CIT: variants seen among roughly 807,000 people sequenced by gnomAD.
CIT encodes the protein citron Rho-interacting kinase.
CIT carries 79 observed loss-of-function variants against 272.7 expected under a neutral mutation model. That is an observed-to-expected ratio of 0.29 (90% CI 0.24 to 0.35). The LOEUF is 0.35. Among genes scored for constraint, CIT ranks in the 10% least tolerant of loss-of-function variants. The probability of loss-of-function intolerance (pLI) is 1.00; values close to 1 mark genes in which losing one functional copy is unlikely to be tolerated. For missense variants in CIT, 1,909 were observed against 2,618.3 expected (o/e 0.73, Z 5.91); for synonymous variants, 948 against 995.6 (o/e 0.95, Z 0.90).
chr12:119,814,870 T>A (rs1966999315), intron 9 of CIT, among the ~76,000 whole-genome samples: 1 of 151,800 alleles, frequency 6.6e-6, no homozygotes, highest in Non-Finnish European at 1.5e-5. Flanking sequence ...AACCCGTCTC[T>A]ACTAAAAATA....
Position 119,720,540 on chromosome 12 carries a change from G to T in CIT, c.3778C>A (p.Gln1260Lys). The T allele has an allele frequency of 6.2e-7, 1 of 1,609,960 alleles. No individual in the cohort carries two copies. The highest frequency in any genetic ancestry group is 1.1e-5 in the South Asian group (1 of 89,968). The stretch of plus-strand genomic sequence containing the variant: ...AGAAAATCAATGAGTTTGGTTTGTT[G>T]AGAAATAGTGCCTTCCATTTTCACC... ...EKVKMEGTISQQTKLIDFLQA... is the reference protein window; with the variant it reads ...EKVKMEGTISKQTKLIDFLQA... The change falls in exon 30 of 48, where the codon CAA becomes AAA. Residue 1260 changes from glutamine (Q) to lysine (K), a missense_variant. Physicochemically the swap from Gln to Lys is moderately conservative, Grantham distance 53 (BLOSUM62 1). Transcript: ENST00000392521.
At position 119,850,288 on chromosome 12, in the gene CIT, G is replaced by A; in HGVS notation, c.415-13C>T. The A allele has an allele frequency of 2.6e-6, 4 of 1,537,686 alleles. No individual in the cohort carries two copies. The highest frequency in any genetic ancestry group is 2.7e-6 in the Non-Finnish European group (3 of 1,116,810). On this transcript the variant is annotated splice_polypyrimidine_tract_variant and intron_variant, in intron 4 of 47. Coordinates refer to ENST00000392521, the MANE Select transcript of CIT (RefSeq NM_001206999.2). Reference sequence around the variant, plus strand: ...CAAAAAATGAAACCTAGGGAAAAAAGAAACTGCTTAGACAATTATAAAGAA... The same window carrying A: ...CAAAAAATGAAACCTAGGGAAAAAAAAAACTGCTTAGACAATTATAAAGAA...
intron 3 of CIT, among the ~76,000 whole-genome samples, chr12:119,862,303 G>A (rs1481572112): frequency 6.6e-6 from 1 of 152,038 alleles, no homozygotes; most frequent in Non-Finnish European, 1.5e-5. Context: ...CCACCTTGGG[G>A]TACGTTTTTA....
intron 3 of CIT, among the ~76,000 whole-genome samples, chr12:119,859,991 A>T (rs1483875189): frequency 6.6e-6 from 1 of 151,886 alleles, no homozygotes; most frequent in Non-Finnish European, 1.5e-5. Context: ...AATTTTTAAA[A>T]TTTTTTTGTA....
intron 5 of CIT, among the ~76,000 whole-genome samples, chr12:119,845,943 AACACACACAC>A (rs58381184): frequency 2.3e-4 from 32 of 137,054 alleles, no homozygotes; most frequent in South Asian, 1.5e-3. Context: ...TCCATCTCAA[AACACACACAC>A]ACACACACAC....
intron 24 of CIT, among the ~76,000 whole-genome samples, chr12:119,741,166 AG>A (rs1429583869): frequency 2.0e-5 from 3 of 151,286 alleles, no homozygotes; most frequent in South Asian, 2.1e-4. Flanking sequence ...AAAAAAAAAA[AG>A]AACAAATTAT....
intron 7 of CIT, among the ~76,000 whole-genome samples, chr12:119,828,276 A>G (rs1234739587): frequency 2.0e-5 from 3 of 152,214 alleles, no homozygotes; most frequent in African/African-American, 7.2e-5. Flanking sequence ...CAAAGGCATT[A>G]CTCTTTGTTA....
chr12:119,804,465 C>T lies in CIT; in HGVS notation c.1112-1076G>A. The T allele has an allele frequency of 1.0e-6, 1 of 985,914 alleles. No individual in the cohort carries two copies. The highest frequency in any genetic ancestry group is 4.7e-5 in the South Asian group (1 of 21,300). 61.1% of individuals were successfully genotyped at this position (985,914 alleles called of 1,614,324 possible). On this transcript the variant is annotated intron_variant, in intron 9 of 47. Coordinates refer to ENST00000392521, the MANE Select transcript of CIT (RefSeq NM_001206999.2). The surrounding 1 kb of genome is among the most constrained non-coding windows in gnomAD (Gnocchi z 5.3). Reference sequence around the variant, plus strand: ...GGAACCCCACCTGGCTGCCGCCTGCCTGCCAGGGGCCAGTGCTGATCCCAG... The same window carrying T: ...GGAACCCCACCTGGCTGCCGCCTGCTTGCCAGGGGCCAGTGCTGATCCCAG...
chr12:119,851,500 A>G (rs1300202852), intron 4 of CIT, among the ~76,000 whole-genome samples: 3 of 152,194 alleles, frequency 2.0e-5, no homozygotes, highest in Non-Finnish European at 4.4e-5. Context: ...AAAGTACCAA[A>G]AGAACCTGAA....
chr12:119,801,219 G>A (rs1274915940), intron 10 of CIT, among the ~76,000 whole-genome samples: 1 of 152,160 alleles, frequency 6.6e-6, no homozygotes, highest in Non-Finnish European at 1.5e-5. Context: ...ACTACCAGAG[G>A]TGAGATAGCA....
intron 19 of CIT, among the ~76,000 whole-genome samples, chr12:119,762,327 G>A (rs924825062): frequency 4.6e-5 from 7 of 152,206 alleles, no homozygotes; most frequent in Non-Finnish European, 8.8e-5. Context: ...TCAAAAGGAT[G>A]AGAAATGGCC....
intron 32 of CIT, 100 bp from the exon 33 acceptor site, chr12:119,714,434 C>T (rs1318564247): frequency 7.9e-7 from 1 of 1,264,676 alleles, no homozygotes; most frequent in East Asian, 2.5e-5. Flanking sequence ...ACTTGCAAAT[C>T]AAATCTCTGA....
At chr12:119,791,976 T>C (rs1233330016) in intron 10 of CIT, among the ~76,000 whole-genome samples, 1 of 152,204 alleles carries the variant, frequency 6.6e-6, no homozygotes, top group African/African-American at 2.4e-5. Context: ...AATTATAAAA[T>C]GCAGTTTTCC....
At chr12:119,788,086 C>T (rs1430783819) in intron 10 of CIT, among the ~76,000 whole-genome samples, 1 of 152,184 alleles carries the variant, frequency 6.6e-6, no homozygotes, top group East Asian at 1.9e-4. Context: ...TGCTATTATT[C>T]ACATTAAAAC....
At chr12:119,875,868 G>A (rs922200250) in intron 2 of CIT, among the ~76,000 whole-genome samples, 1 of 152,088 alleles carries the variant, frequency 6.6e-6, no homozygotes, top group Non-Finnish European at 1.5e-5. Context: ...GGCGGCTGTA[G>A]TCCCAGCTAC....
At position 119,721,457 on chromosome 12, in the gene CIT, G is replaced by A. The variant is rs1450680465; in HGVS notation, c.3592-8C>T. The stretch of plus-strand genomic sequence containing the variant: ...CTGCTGTAATTTGGCTTGCTAGTGG[G>A]GAGAAGGGCCAGGGAAATGCTTGAT... On this transcript the variant is annotated splice_polypyrimidine_tract_variant and splice_region_variant and intron_variant, in intron 28 of 47. Transcript: ENST00000392521. The A allele has an allele frequency of 6.2e-7, 1 of 1,600,170 alleles. No homozygotes were observed. The highest frequency in any genetic ancestry group is 1.7e-5 in the Admixed American group (1 of 59,776).
Position 119,697,751 on chromosome 12 carries a change from T to C in CIT, c.5790A>G (p.Ser1930=). ...ISSGAIYLAS[S]YQDKLRVICC... ...AAATGACCCTTAATTTATCCTGGTA[T>C]GAGGACGCCAAGTAAATCGCTCCTG... Residue 1930 remains serine (S), a synonymous_variant, in exon 46 of 48, where the codon TCA becomes TCG. Transcript: ENST00000392521. This position sits in a 1 kb window ranked among gnomAD's most constrained non-coding sequence, Gnocchi z 4.9. 2 of 1,614,194 alleles carry C rather than the reference T, an allele frequency of 1.2e-6. No homozygotes were observed. Among genetic ancestry groups the C allele is most frequent in the Non-Finnish European group, 8.5e-7 (1 of 1,180,050 alleles).
chr12:119,719,017 T>A, intron 30 of CIT, 156 bp from the exon 31 acceptor site: 1 of 715,346 alleles, frequency 1.4e-6, no homozygotes, highest in Non-Finnish European at 2.3e-6. Context: ...GGGGGAAGGG[T>A]AGGCTGAGCC....
chr12:119,702,803 AC>A (rs1440028286), intron 41 of CIT, among the ~76,000 whole-genome samples: 1 of 152,216 alleles, frequency 6.6e-6, no homozygotes, highest in Admixed American at 6.5e-5. Context: ...ACAACTATTA[AC>A]AGTGGTGGTC....
Sources: gnomAD v4.1 joint callset for allele counts (sites outside exome capture counted in the v4.1 genomes callset) on GRCh38, gnomAD v4.1.1 for gene constraint, Gnocchi (gnomAD v3.1) non-coding constraint, MANE v1.5 for transcripts, NCBI Gene and HGNC (gene_info 2026-07-23, HGNC 2026-07-21) for gene names.